Variants in CCDC158 observed in about 807,000 individuals in gnomAD.
CCDC158 encodes coiled-coil domain-containing protein 158.
Under a neutral mutation model 138.6 loss-of-function variants are expected in CCDC158, and 116 were observed. The ratio of observed to expected loss-of-function variants is 0.84; its 90% CI spans 0.72 to 0.98. CCDC158 has a LOEUF of 0.98. Ranked by LOEUF, CCDC158 falls within the 50% of genes least tolerant of loss-of-function variation. CCDC158 has a pLI of 0.00. For missense variants in CCDC158, 1,265 were observed against 1,306.1 expected, an observed-to-expected ratio of 0.97 and a Z score of 0.48; for synonymous variants, 436 against 442.4, an observed-to-expected ratio of 0.99 and a Z score of 0.18.
At chr4:76,386,820 C>T (rs1726837977) in intron 4 of CCDC158, among the ~76,000 whole-genome samples, 1 of 152,164 alleles carries the variant, frequency 6.6e-6, no homozygotes, top group Admixed American at 6.5e-5. Flanking sequence ...TAACTCAGTG[C>T]TGCCCCGTCA....
intron 18 of CCDC158, among the ~76,000 whole-genome samples, chr4:76,342,701 C>T (rs1487538261): frequency 6.6e-6 from 1 of 152,112 alleles, no homozygotes; most frequent in Non-Finnish European, 1.5e-5. Context: ...GAGGAAAGGA[C>T]AGATAATAAT....
At chr4:76,395,053 G>A (rs1435390732) in intron 4 of CCDC158, among the ~76,000 whole-genome samples, 1 of 152,040 alleles carries the variant, frequency 6.6e-6, no homozygotes, top group African/African-American at 2.4e-5. Context: ...TACACAAGAA[G>A]GGAAATTTAC....
At chr4:76,369,384 A>C in intron 11 of CCDC158, 42 bp downstream of exon 11, 1 of 1,584,098 alleles carries the variant, frequency 6.3e-7, no homozygotes, top group Non-Finnish European at 8.6e-7. Context: ...ATTTCCCCAG[A>C]GGAGATTGTT....
rs1403190604 is a variant in CCDC158, at chr4:76,326,019, A to G, written c.3011-4T>C. ...GAGTTTTTCACAGATGGACTTGCTA[A>G]AAGTTTGCAAGAATAAAAGTAAAAG... On this transcript the variant is annotated splice_polypyrimidine_tract_variant and splice_region_variant and intron_variant, in intron 22 of 24. Coordinates refer to ENST00000682701, the MANE Select transcript of CCDC158 (RefSeq NM_001394954.1). The G allele has an allele frequency of 1.9e-6, 3 of 1,606,092 alleles. No individual in the cohort carries two copies. The highest frequency in any genetic ancestry group is 8.5e-7 in the Non-Finnish European group (1 of 1,177,352).
At chr4:76,381,148 C>A (rs1428967464) in intron 8 of CCDC158, among the ~76,000 whole-genome samples, 1 of 152,220 alleles carries the variant, frequency 6.6e-6, no homozygotes, top group African/African-American at 2.4e-5. Context: ...GGGTTGGAAC[C>A]CCCACACAGA....
intron 15 of CCDC158, among the ~76,000 whole-genome samples, chr4:76,354,052 T>A (rs986416784): frequency 6.6e-6 from 1 of 152,020 alleles, no homozygotes; most frequent in Admixed American, 6.6e-5. Context: ...AGAAAAGACT[T>A]CAGAAGGAAA....
chr4:76,390,548 A>T (rs571135704), intron 4 of CCDC158, among the ~76,000 whole-genome samples: 1 of 152,188 alleles, frequency 6.6e-6, no homozygotes, highest in East Asian at 1.9e-4. Context: ...GGAGGAATAC[A>T]GGAAGGAAAA....
intron 24 of CCDC158, among the ~76,000 whole-genome samples, chr4:76,317,037 C>A (rs760491613): frequency 2.3e-4 from 34 of 150,476 alleles, no homozygotes; most frequent in Non-Finnish European, 4.9e-4. Context: ...AAGCATAAAT[C>A]TCACAGGGCC....
At chr4:76,368,584 C>T (rs564132521) in intron 11 of CCDC158, among the ~76,000 whole-genome samples, 36 of 152,242 alleles carry the variant, frequency 2.4e-4, no homozygotes, top group African/African-American at 7.9e-4. Flanking sequence ...CCATGTCTTC[C>T]TAGCACAGAA....
At chr4:76,318,507 G>C (rs1719627776) in intron 24 of CCDC158, among the ~76,000 whole-genome samples, 1 of 152,032 alleles carries the variant, frequency 6.6e-6, no homozygotes. Context: ...TAGTGAGATT[G>C]AAACAGTAAT....
At chr4:76,414,385 A>C (rs1221953752) in intron 1 of CCDC158, 1 of 152,196 alleles carries the variant, frequency 6.6e-6, no homozygotes, top group Non-Finnish European at 1.5e-5. Context: ...TAAAATCAAG[A>C]CCAATCAAGT....
chr4:76,357,334 TA>T, intron 14 of CCDC158, 39 bp downstream of exon 14: 2 of 1,424,852 alleles, frequency 1.4e-6, no homozygotes, highest in Non-Finnish European at 1.9e-6. Context: ...TCCATTAAAT[TA>T]AAAACAGAAG....
intron 24 of CCDC158, among the ~76,000 whole-genome samples, chr4:76,317,149 G>C (rs568773202): frequency 6.6e-6 from 1 of 151,866 alleles, no homozygotes; most frequent in Non-Finnish European, 1.5e-5. Context: ...AACATTGAAT[G>C]TAAATGACCT....
chr4:76,387,113 A>C (rs1726869374), intron 4 of CCDC158, among the ~76,000 whole-genome samples: 2 of 152,168 alleles, frequency 1.3e-5, no homozygotes, highest in Admixed American at 6.5e-5. Context: ...GAGTGCTTGC[A>C]CCATCCCTTT....
intron 2 of CCDC158, among the ~76,000 whole-genome samples, chr4:76,411,080 A>G (rs1729258540): frequency 6.6e-6 from 1 of 152,224 alleles, no homozygotes; most frequent in Non-Finnish European, 1.5e-5. Context: ...ACAAGGTACC[A>G]GATAATTGGA....
intron 9 of CCDC158, among the ~76,000 whole-genome samples, chr4:76,374,824 G>A (rs1203446283): frequency 1.3e-5 from 2 of 151,072 alleles, no homozygotes; most frequent in Admixed American, 6.6e-5. Flanking sequence ...AAAAACTTCT[G>A]GATAATCATT....
intron 1 of CCDC158, among the ~76,000 whole-genome samples, chr4:76,419,561 C>A (rs1436709585): frequency 1.3e-5 from 2 of 152,130 alleles, no homozygotes; most frequent in African/African-American, 2.4e-5. Context: ...CAGTTCCTTG[C>A]CTCTTCTAGC....
At chr4:76,336,113 C>T (rs941561650) in intron 18 of CCDC158, among the ~76,000 whole-genome samples, 5 of 123,370 alleles carry the variant, frequency 4.1e-5, no homozygotes, top group East Asian at 2.8e-4. Flanking sequence ...GCCCAGGAGG[C>T]GGAGCTTGCA....
chr4:76,332,997 C>T (rs906075069), intron 19 of CCDC158, among the ~76,000 whole-genome samples: 33 of 152,086 alleles, frequency 2.2e-4, no homozygotes, highest in African/African-American at 7.3e-4. Flanking sequence ...TAATACTGCC[C>T]TGGTTTGGAA....
Sources: allele counts gnomAD v4.1 joint callset (sites outside exome capture counted in the v4.1 genomes callset), GRCh38; gene constraint gnomAD v4.1.1; transcripts MANE v1.5; gene names NCBI Gene and HGNC (gene_info 2026-07-23, HGNC 2026-07-21).